Variants in APIP observed in about 807,000 individuals in gnomAD.
APIP encodes APAF1 interacting protein.
APIP carries 32 observed loss-of-function variants against 32.0 expected under a neutral mutation model. The ratio of observed to expected loss-of-function variants is 1.00; its 90% CI spans 0.76 to 1.34. The LOEUF (loss-of-function observed/expected upper bound fraction) is 1.34, where lower values mean the gene tolerates loss of function less well. Among genes scored for constraint, APIP ranks in the 40% most tolerant of loss-of-function variants. The pLI is 0.00. For missense variants in APIP, 247 were observed against 298.6 expected, an observed-to-expected ratio of 0.83 and a Z score of 1.27; for synonymous variants, 92 against 94.8, an observed-to-expected ratio of 0.97 and a Z score of 0.17.
In APIP at chr11:34,895,098, G is replaced by T. The variant is rs1431642633; in HGVS notation, c.70C>A (p.Pro24Thr). 1 of 1,613,602 alleles carries T rather than the reference G, an allele frequency of 6.2e-7. No individual in the cohort carries two copies. The highest frequency in any genetic ancestry group is 1.7e-5 in the Admixed American group (1 of 59,988). The change falls in exon 2 of 7, where the codon CCA becomes ACA. Residue 24 changes from proline to threonine, a missense_variant. Physicochemically the swap from Pro to Thr is conservative, Grantham distance 38. Coordinates refer to ENST00000395787, the MANE Select transcript of APIP (RefSeq NM_015957.4). Reference protein sequence around the residue: ...RRCGAQDKEHPRYLIPELCKQ... With the variant: ...RRCGAQDKEHTRYLIPELCKQ... ...CAAAGTTCTGGGATCAGGTATCTTG[G>T]ATGCTCCTTGTCCTTAAAAAGAAGG...
intron 1 of APIP, 63 bp from the exon 2 acceptor site, chr11:34,895,173 G>T: frequency 7.1e-7 from 1 of 1,404,446 alleles, no homozygotes; most frequent in Non-Finnish European, 1.0e-6. Context: ...ATTCCAGCTG[G>T]TGTTTCTAAT....
chr11:34,885,371 T>C (rs973886814), intron 5 of APIP, among the ~76,000 whole-genome samples: 2 of 151,738 alleles, frequency 1.3e-5, no homozygotes, highest in Non-Finnish European at 2.9e-5. Flanking sequence ...TCCTATAAGA[T>C]TATAATGGAG....
intron 1 of APIP, among the ~76,000 whole-genome samples, chr11:34,910,392 T>C (rs557999702): frequency 6.6e-6 from 1 of 152,314 alleles, no homozygotes; most frequent in Admixed American, 6.5e-5. Flanking sequence ...TTCAATAGTG[T>C]TGCTATAAAG....
chr11:34,905,045 C>T (rs1853424304), intron 1 of APIP, among the ~76,000 whole-genome samples: 1 of 152,182 alleles, frequency 6.6e-6, no homozygotes, highest in Admixed American at 6.5e-5. Context: ...GCCACCCTTG[C>T]AGGAATTGTT....
chr11:34,898,034 C>T (rs937229359), intron 1 of APIP, among the ~76,000 whole-genome samples: 12 of 152,082 alleles, frequency 7.9e-5, no homozygotes, highest in Non-Finnish European at 1.5e-4. Context: ...CTTAAAACCA[C>T]TCCACGTGTG....
intron 1 of APIP, among the ~76,000 whole-genome samples, chr11:34,915,607 T>C (rs757879578): frequency 6.6e-6 from 1 of 152,186 alleles, no homozygotes; most frequent in Non-Finnish European, 1.5e-5. Context: ...AGGCGCTCCA[T>C]AAAACTGTTG....
chr11:34,898,621 G>A (rs995875364), intron 1 of APIP, among the ~76,000 whole-genome samples: 9 of 151,666 alleles, frequency 5.9e-5, no homozygotes, highest in Admixed American at 4.6e-4. Flanking sequence ...TTTAGCTCAG[G>A]AATGCTGTTG....
intron 2 of APIP, among the ~76,000 whole-genome samples, chr11:34,891,675 C>CT (rs1438463508): frequency 6.6e-6 from 1 of 152,146 alleles, no homozygotes; most frequent in Non-Finnish European, 1.5e-5. Flanking sequence ...AAACAAATGT[C>CT]TGATAATGTG....
intron 1 of APIP, among the ~76,000 whole-genome samples, chr11:34,898,954 G>T (rs549353074): frequency 6.6e-6 from 1 of 151,750 alleles, no homozygotes; most frequent in Non-Finnish European, 1.5e-5. Context: ...GCCCGCCACC[G>T]CGCCCAGCTA....
chr11:34,915,998 C>T (rs1853672586), intron 1 of APIP: 2 of 598,558 alleles, frequency 3.3e-6, no homozygotes, highest in East Asian at 3.0e-5. Context: ...CGTTTGGCGC[C>T]CAGCTCCCGC....
At chr11:34,883,536 TA>T (rs1452780751) in intron 5 of APIP, 32 bp from the exon 6 acceptor site, 8 of 1,603,852 alleles carry the variant, frequency 5.0e-6, no homozygotes, top group Non-Finnish European at 6.8e-6. Flanking sequence ...TTTTTTCCAT[TA>T]AAACAAATCA....
Position 34,895,110 on chromosome 11 carries a change from C to T in APIP, c.58G>A (p.Asp20Asn), listed in dbSNP as rs61734605. 0.3 allele frequency: 479,518 copies of T among 1,609,674 alleles called. 79,609 individuals are homozygous for T. The highest frequency in any genetic ancestry group is 0.35 in the Non-Finnish European group (408,113 of 1,176,150). The change falls in exon 2 of 7, where the codon GAC (aspartate) becomes AAC (asparagine). Residue 20 changes from aspartate to asparagine, a missense_variant and splice_region_variant. Physicochemically the swap from Asp to Asn is conservative, Grantham distance 23. Coordinates refer to ENST00000395787, the MANE Select transcript of APIP (RefSeq NM_015957.4). ...DCCSRRCGAQDKEHPRYLIPE... is the reference protein window; with the variant it reads ...DCCSRRCGAQNKEHPRYLIPE... ...ATCAGGTATCTTGGATGCTCCTTGT[C>T]CTTAAAAAGAAGGTAATGATTTTTA... is the stretch of plus-strand genomic sequence containing the variant.
At chr11:34,896,974 G>T (rs1301853794) in intron 1 of APIP, 2 of 380,572 alleles carry the variant, frequency 5.3e-6, no homozygotes, top group Non-Finnish European at 9.9e-6. Context: ...AACAAAATGA[G>T]ATTCACTGTG....
At position 34,882,604 on chromosome 11, in the gene APIP, G is replaced by C; in HGVS notation, c.*113C>G. 1.4e-6 allele frequency: 1 copy of C among 708,334 alleles called. No individual in the cohort carries two copies. The allele number at this position is 708,334 out of a possible 1,614,324, so 43.9% of individuals were successfully genotyped here. A position where few individuals can be genotyped will look rare whatever the true frequency, so the allele number is the denominator to read the frequency against. On this transcript the variant is annotated 3_prime_UTR_variant, in exon 7 of 7. Coordinates refer to ENST00000395787, the MANE Select transcript of APIP (RefSeq NM_015957.4). ...TCAGGGTGACCATTTGCAGTATTTA[G>C]TGGCAAATTAGTAGCATCATGAAAA...
chr11:34,884,617 C>T (rs562702906), intron 5 of APIP, among the ~76,000 whole-genome samples: 17 of 151,848 alleles, frequency 1.1e-4, no homozygotes, highest in South Asian at 4.2e-4. Flanking sequence ...CCCACCTACT[C>T]GGAAGACTGA....
At chr11:34,889,920 C>A (rs796790299) in intron 3 of APIP, among the ~76,000 whole-genome samples, 7 of 152,134 alleles carry the variant, frequency 4.6e-5, no homozygotes, top group Admixed American at 1.3e-4. Context: ...GTAAAGCATG[C>A]GTATTTCTGT....
chr11:34,902,502 G>A (rs1321840419), intron 1 of APIP, among the ~76,000 whole-genome samples: 1 of 152,138 alleles, frequency 6.6e-6, no homozygotes, highest in Non-Finnish European at 1.5e-5. Context: ...TGTCCAAGGG[G>A]ACCAGAGTAT....
At chr11:34,884,703 G>A (rs1469415575) in intron 5 of APIP, among the ~76,000 whole-genome samples, 9 of 146,926 alleles carry the variant, frequency 6.1e-5, no homozygotes, top group Non-Finnish European at 1.1e-4. Context: ...TAGCCTTGGC[G>A]ACAGAGCCAG....
intron 1 of APIP, among the ~76,000 whole-genome samples, chr11:34,899,704 C>T (rs1368029699): frequency 5.9e-5 from 9 of 152,142 alleles, no homozygotes; most frequent in African/African-American, 9.7e-5. Flanking sequence ...TGGGGAAGTG[C>T]GACTAGGCCC....
Sources: allele counts gnomAD v4.1 joint callset (sites outside exome capture counted in the v4.1 genomes callset), GRCh38; gene constraint gnomAD v4.1.1; transcripts MANE v1.5; gene names NCBI Gene and HGNC (gene_info 2026-07-23, HGNC 2026-07-21).